The following HCN1 variants were observed in gnomAD, a reference collection of about 807,000 sequenced individuals.
HCN1 encodes hyperpolarization activated cyclic nucleotide gated potassium channel 1, also known as potassium/sodium hyperpolarization-activated cyclic nucleotide-gated channel 1.
Under a neutral mutation model 78.9 loss-of-function variants are expected in HCN1, and 13 were observed. That is an observed-to-expected ratio of 0.16 (90% CI 0.11 to 0.26). HCN1 has a LOEUF of 0.26. Ranked by LOEUF, HCN1 falls within the 10% of genes least tolerant of loss-of-function variation. The pLI is 1.00. For synonymous variants in HCN1, 552 were observed against 455.5 expected, an observed-to-expected ratio of 1.21 and a Z score of -2.70; for missense variants, 810 against 1,154.3, an observed-to-expected ratio of 0.70 and a Z score of 4.32.
intron 1 of HCN1, among the ~76,000 whole-genome samples, chr5:45,658,710 C>T (rs1184088509): frequency 2.0e-5 from 3 of 151,734 alleles, no homozygotes; most frequent in Non-Finnish European, 4.4e-5. Context: ...CCTGGAAAAT[C>T]GGGTCACTCC....
intron 2 of HCN1, among the ~76,000 whole-genome samples, chr5:45,497,641 C>T (rs1467680589): frequency 1.3e-5 from 2 of 152,102 alleles, no homozygotes; most frequent in East Asian, 3.9e-4. Context: ...ACTGATGGGT[C>T]TTGACTCTTT....
At chr5:45,429,063 T>A (rs1302389913) in intron 3 of HCN1, among the ~76,000 whole-genome samples, 1 of 152,168 alleles carries the variant, frequency 6.6e-6, no homozygotes, top group Non-Finnish European at 1.5e-5. Flanking sequence ...CATTTAGCCC[T>A]CAAAATAACC....
intron 3 of HCN1, among the ~76,000 whole-genome samples, chr5:45,460,003 A>C (rs141142381): frequency 2.8e-4 from 43 of 152,282 alleles, no homozygotes; most frequent in African/African-American, 9.1e-4. Flanking sequence ...ACTACTGCTT[A>C]CTTTGTTCTT....
intron 4 of HCN1, among the ~76,000 whole-genome samples, chr5:45,359,915 A>G (rs1332969681): frequency 6.6e-6 from 1 of 151,256 alleles, no homozygotes; most frequent in Non-Finnish European, 1.5e-5. Flanking sequence ...TTTAATCTAC[A>G]CTATATTCTT....
At chr5:45,371,514 T>G (rs983884012) in intron 4 of HCN1, among the ~76,000 whole-genome samples, 2 of 151,778 alleles carry the variant, frequency 1.3e-5, no homozygotes, top group Non-Finnish European at 2.9e-5. Flanking sequence ...ATCCCAGCAC[T>G]TTGGGAAGCC....
chr5:45,449,695 C>T (rs1462521225), intron 3 of HCN1, among the ~76,000 whole-genome samples: 1 of 151,884 alleles, frequency 6.6e-6, no homozygotes, highest in Non-Finnish European at 1.5e-5. Flanking sequence ...ACCTGGTCTT[C>T]TCCAGTTAGG....
rs191451111 is a variant in HCN1, at chr5:45,290,951, G to A, written c.1618+12648C>T. 3.5e-4 allele frequency among the ~76,000 whole-genome samples: 53 copies of A among 152,072 alleles called. 1 individual carries two copies. Among genetic ancestry groups the A allele is most frequent in the Admixed American group, 3.2e-3 (49 of 15,250 alleles). ...TCAAATGTCTTTCACTGAAATATAG[G>A]TTATTCTTGTCATAATAATGTAGGC... On this transcript the variant is annotated intron_variant, in intron 6 of 7. Coordinates refer to ENST00000303230, the MANE Select transcript of HCN1 (RefSeq NM_021072.4).
chr5:45,338,325 T>A (rs1746506864), intron 5 of HCN1, among the ~76,000 whole-genome samples: 1 of 152,134 alleles, frequency 6.6e-6, no homozygotes, highest in Non-Finnish European at 1.5e-5. Context: ...CTTAACTATA[T>A]ATTAATGCCT....
chr5:45,615,911 A>G (rs1200526993), intron 2 of HCN1, among the ~76,000 whole-genome samples: 1 of 151,962 alleles, frequency 6.6e-6, no homozygotes, highest in Non-Finnish European at 1.5e-5. Flanking sequence ...CAAAACACCA[A>G]AATTATTTTT....
chr5:45,614,706 T>A (rs992013968), intron 2 of HCN1, among the ~76,000 whole-genome samples: 4 of 152,206 alleles, frequency 2.6e-5, no homozygotes, highest in Middle Eastern at 6.8e-3. Context: ...TAATACTAAA[T>A]GAGCTGCATG....
intron 2 of HCN1, among the ~76,000 whole-genome samples, chr5:45,570,285 C>T (rs1743798734): frequency 6.6e-6 from 1 of 151,928 alleles, no homozygotes; most frequent in East Asian, 1.9e-4. Context: ...GTAGATTCTT[C>T]TGATGACTCT....
intron 3 of HCN1, among the ~76,000 whole-genome samples, chr5:45,406,548 A>G (rs1739928084): frequency 6.6e-6 from 1 of 152,310 alleles, no homozygotes; most frequent in African/African-American, 2.4e-5. Context: ...GAATTCAATC[A>G]CAGATCTGTC....
At chr5:45,327,720 G>A (rs557924001) in intron 5 of HCN1, among the ~76,000 whole-genome samples, 1 of 151,360 alleles carries the variant, frequency 6.6e-6, no homozygotes, top group African/African-American at 2.4e-5. Flanking sequence ...AACTAGGGTG[G>A]GCCATAATCC....
At chr5:45,296,005 T>C (rs1466640273) in intron 6 of HCN1, among the ~76,000 whole-genome samples, 2 of 152,050 alleles carry the variant, frequency 1.3e-5, no homozygotes, top group East Asian at 3.9e-4. Flanking sequence ...TAATGTAAAC[T>C]TATTTTTTCT....
At chr5:45,292,073 G>GA (rs1234965673) in intron 6 of HCN1, among the ~76,000 whole-genome samples, 2 of 150,752 alleles carry the variant, frequency 1.3e-5, no homozygotes, top group African/African-American at 2.4e-5. Context: ...ATTTGTTGAA[G>GA]AAAAAAAAGG....
Position 45,645,152 on chromosome 5 carries a change from T to A in HCN1, c.849+33A>T, listed in dbSNP as rs531798287. On this transcript the variant is annotated intron_variant, in intron 2 of 7. Coordinates refer to ENST00000303230, the MANE Select transcript of HCN1 (RefSeq NM_021072.4). ...ACAGCCATAATTAACAATTTCATGA[T>A]ATAGATTTAAAAAAGAAAAAGATGC... 7 of 1,487,806 alleles carry A rather than the reference T, an allele frequency of 4.7e-6. No homozygotes were observed. The South Asian group carries it at 8.0e-5, about 17-fold the overall frequency. The allele number at this position is 1,487,806 out of a possible 1,614,324, so 92.2% of individuals were successfully genotyped here. A position where few individuals can be genotyped will look rare whatever the true frequency, so the allele number is the denominator to read the frequency against.
At chr5:45,503,649 TAATTA>T (rs1341394186) in intron 2 of HCN1, among the ~76,000 whole-genome samples, 1 of 152,214 alleles carries the variant, frequency 6.6e-6, no homozygotes, top group Non-Finnish European at 1.5e-5. Context: ...AAACATTTCA[TAATTA>T]AATTATATTC....
chr5:45,576,675 G>A (rs935066069), intron 2 of HCN1: 1 of 152,066 alleles, frequency 6.6e-6, no homozygotes, highest in Non-Finnish European at 1.5e-5. Flanking sequence ...ATATTTTGTA[G>A]AGATACTGCT....
At chr5:45,424,302 A>C (rs901578190) in intron 3 of HCN1, among the ~76,000 whole-genome samples, 1 of 151,948 alleles carries the variant, frequency 6.6e-6, no homozygotes, top group Non-Finnish European at 1.5e-5. Context: ...CAAACAAACA[A>C]ACAAACAAAA....
Sources: gnomAD v4.1 joint callset for allele counts (sites outside exome capture counted in the v4.1 genomes callset) on GRCh38, gnomAD v4.1.1 for gene constraint, MANE v1.5 for transcripts, NCBI Gene and HGNC (gene_info 2026-07-23, HGNC 2026-07-21) for gene names.